Variants in PEMT observed in about 807,000 individuals in gnomAD.
PEMT encodes phospholipid methyltransferase.
A neutral mutation model predicts 27.4 loss-of-function variants in PEMT; 23 were observed. The observed-to-expected ratio is 0.84, with a 90% confidence interval of 0.60 to 1.19. PEMT has a LOEUF of 1.19. Ranked by LOEUF, PEMT falls within the 50% of genes most tolerant of loss-of-function variation. The pLI, the probability that PEMT is intolerant of heterozygous loss-of-function variation, is 0.00. For missense variants in PEMT, 307 were observed against 310.1 expected (o/e 0.99, Z 0.07); for synonymous variants, 137 against 139.1 (o/e 0.98, Z 0.11).
intron 2 of PEMT, among the ~76,000 whole-genome samples, chr17:17,538,012 G>A (rs903911381): frequency 1.3e-5 from 2 of 152,232 alleles, no homozygotes; most frequent in African/African-American, 4.8e-5. Flanking sequence ...CCCTCCTCAG[G>A]AAGGGACAGC....
chr17:17,551,974 G>A (rs1287508388), intron 2 of PEMT, among the ~76,000 whole-genome samples: 1 of 152,166 alleles, frequency 6.6e-6, no homozygotes, highest in African/African-American at 2.4e-5. Flanking sequence ...AGGCCGAGGC[G>A]GGCAGATCAC....
intron 2 of PEMT, among the ~76,000 whole-genome samples, chr17:17,525,732 C>T (rs1259809730): frequency 6.6e-6 from 1 of 152,192 alleles, no homozygotes; most frequent in African/African-American, 2.4e-5. Context: ...CAGTGGCTCA[C>T]GTCTGTAATC....
intron 2 of PEMT, among the ~76,000 whole-genome samples, chr17:17,552,031 G>A (rs778331115): frequency 6.6e-6 from 1 of 152,148 alleles, no homozygotes; most frequent in Non-Finnish European, 1.5e-5. Flanking sequence ...GCGAAACCCC[G>A]TCTCTACTAA....
Position 17,512,121 on chromosome 17 carries a change from C to T in PEMT, c.466+388G>A, listed in dbSNP as rs1047657576. 6.6e-6 allele frequency among the ~76,000 whole-genome samples: 1 copy of T among 152,240 alleles called. No homozygotes were observed. The highest frequency in any genetic ancestry group is 6.5e-5 in the Admixed American group (1 of 15,288). On this transcript the variant is annotated intron_variant, in intron 4 of 6. Coordinates refer to ENST00000255389, the MANE Select transcript of PEMT (RefSeq NM_148172.3). This position sits in a 1 kb window ranked among gnomAD's most constrained non-coding sequence, Gnocchi z 6.3. ...TGCCAGAGAGGTGGCTGACTCACCA[C>T]CACCTCAGGCTTCTGTGCAACAAGG...
chr17:17,570,740 G>A, intron 2 of PEMT: 1 of 985,272 alleles, frequency 1.0e-6, no homozygotes, highest in Non-Finnish European at 1.2e-6. Context: ...GGGGACCTCT[G>A]AGCATGGCCC....
chr17:17,529,951 T>G (rs1046280612), intron 2 of PEMT, among the ~76,000 whole-genome samples: 40 of 152,256 alleles, frequency 2.6e-4, no homozygotes, highest in African/African-American at 9.1e-4. Context: ...TGCTATGGTG[T>G]AAGCTCCAGG....
At chr17:17,562,266 C>T (rs906174649) in intron 2 of PEMT, among the ~76,000 whole-genome samples, 1 of 152,194 alleles carries the variant, frequency 6.6e-6, no homozygotes, top group Non-Finnish European at 1.5e-5. Context: ...TAAGGCAGAT[C>T]GGATCCGCTG....
At chr17:17,554,049 G>A (rs1208314682) in intron 2 of PEMT, among the ~76,000 whole-genome samples, 3 of 152,248 alleles carry the variant, frequency 2.0e-5, no homozygotes, top group African/African-American at 7.2e-5. Flanking sequence ...CCCGTGAGCA[G>A]GAACTGGCTG....
At chr17:17,548,938 C>T (rs1909451719) in intron 2 of PEMT, among the ~76,000 whole-genome samples, 2 of 152,162 alleles carry the variant, frequency 1.3e-5, no homozygotes, top group African/African-American at 4.8e-5. Flanking sequence ...GTCCAGAAGG[C>T]ACAGTGACCA....
chr17:17,591,593 T>G lies in PEMT; in HGVS notation c.34A>C (p.Thr12Pro). ...KRSGNPGAEVTNSSVAGPDCC... is the reference protein window; with the variant it reads ...KRSGNPGAEVPNSSVAGPDCC... ...TCAGGCCCTGCCACCGAGCTGTTCG[T>G]TACCTCGGCTCCCGGGTTCCCAGAT... Residue 12 changes from threonine (T) to proline (P), a missense_variant, in exon 1 of 7, where the codon ACG becomes CCG. Thr to Pro is a conservative substitution (Grantham distance 38). Transcript: ENST00000255389. 6.2e-7 allele frequency: 1 copy of G among 1,613,482 alleles called. No individual in the cohort carries two copies.
In PEMT at chr17:17,576,960, G is replaced by T; in HGVS notation, c.164C>A (p.Ala55Asp). 3 of 1,613,354 alleles carry T rather than the reference G, an allele frequency of 1.9e-6. No individual in the cohort carries two copies. The highest frequency in any genetic ancestry group is 2.5e-6 in the Non-Finnish European group (3 of 1,179,908). The change falls in exon 2 of 7, where the codon GCC becomes GAC. Residue 55 changes from alanine to aspartate, a missense_variant. Transcript: ENST00000255389. ...CGGATTGAAGGTGATGGTGATGACG[G>T]CAGCCACAAAGCTGGGATCCAGGGG... ...VDPLDPSFVA[A>D]VITITFNPLY... is the part of the protein sequence containing the mutation.
intron 1 of PEMT, among the ~76,000 whole-genome samples, chr17:17,585,787 C>T (rs1381088520): frequency 6.6e-6 from 1 of 151,826 alleles, no homozygotes; most frequent in Non-Finnish European, 1.5e-5. Context: ...AACAACTTGA[C>T]CAAAAATTTG....
At chr17:17,549,851 C>T (rs1476538796) in intron 2 of PEMT, among the ~76,000 whole-genome samples, 1 of 152,210 alleles carries the variant, frequency 6.6e-6, no homozygotes, top group Non-Finnish European at 1.5e-5. Flanking sequence ...ACGGGAGGCA[C>T]GTCCTCGTCT....
chr17:17,579,206 A>G (rs1247625516), intron 1 of PEMT, among the ~76,000 whole-genome samples: 1 of 152,162 alleles, frequency 6.6e-6, no homozygotes, highest in Non-Finnish European at 1.5e-5. Context: ...TCTGCCTGCT[A>G]CCAGGTCACT....
intron 2 of PEMT, among the ~76,000 whole-genome samples, chr17:17,528,241 C>T (rs1907838148): frequency 6.6e-6 from 1 of 152,222 alleles, no homozygotes; most frequent in Non-Finnish European, 1.5e-5. Flanking sequence ...CTCGCTTCTA[C>T]AGCTGGACCC....
intron 3 of PEMT, among the ~76,000 whole-genome samples, chr17:17,519,984 T>C (rs1015487164): frequency 1.8e-4 from 27 of 152,162 alleles, no homozygotes; most frequent in African/African-American, 6.5e-4. Flanking sequence ...CCGGCCCTGA[T>C]GGTGGTCCCG....
At chr17:17,537,638 A>G (rs1361637837) in intron 2 of PEMT, among the ~76,000 whole-genome samples, 1 of 152,180 alleles carries the variant, frequency 6.6e-6, no homozygotes, top group Non-Finnish European at 1.5e-5. Flanking sequence ...CTTCTGGGAG[A>G]AAGCAGGAGG....
At chr17:17,518,787 C>T (rs1315199262) in intron 3 of PEMT, among the ~76,000 whole-genome samples, 1 of 152,144 alleles carries the variant, frequency 6.6e-6, no homozygotes, top group East Asian at 1.9e-4. Context: ...CGATGCCACA[C>T]CCCAAAGGTC....
At chr17:17,521,315 T>C (rs992816925) in intron 3 of PEMT, among the ~76,000 whole-genome samples, 1 of 152,158 alleles carries the variant, frequency 6.6e-6, no homozygotes, top group Non-Finnish European at 1.5e-5. Flanking sequence ...CAGGGTACTG[T>C]GGGAGGTGAG....
Sources: allele counts gnomAD v4.1 joint callset (sites outside exome capture counted in the v4.1 genomes callset), GRCh38; gene constraint gnomAD v4.1.1; non-coding constraint Gnocchi (gnomAD v3.1); transcripts MANE v1.5; gene names NCBI Gene and HGNC (gene_info 2026-07-23, HGNC 2026-07-21).